The following HSD17B11 variants were observed in gnomAD, a reference collection of about 807,000 sequenced individuals.
The protein encoded by HSD17B11 is hydroxysteroid 17-beta dehydrogenase 11.
In HSD17B11, 22 loss-of-function variants were observed where a neutral mutation model predicts 27.8. The ratio of observed to expected loss-of-function variants is 0.79; its 90% CI spans 0.56 to 1.13. HSD17B11 has a LOEUF of 1.13. Among genes scored for constraint, HSD17B11 ranks in the 50% most tolerant of loss-of-function variants. The pLI is 0.00. For synonymous variants in HSD17B11, 117 were observed against 132.8 expected (o/e 0.88, Z 0.82); for missense variants, 314 against 351.1 (o/e 0.89, Z 0.84).
rs796910777 is a variant in HSD17B11, at chr4:87,361,559, A to G, written c.558-4143T>C. Among the ~76,000 whole-genome samples the G allele has an allele frequency of 3.9e-5, 6 of 152,196 alleles. No homozygotes were observed. In the South Asian group the frequency reaches 1.2e-3, roughly 32 times the overall value. On this transcript the variant is annotated intron_variant, in intron 4 of 6. Coordinates refer to ENST00000358290, the MANE Select transcript of HSD17B11 (RefSeq NM_016245.5). ...AAGGCGGGCGGATCACGAGGTCAGG[A>G]GATCGAGACCATCCTGGCTAACACA...
intron 5 of HSD17B11, among the ~76,000 whole-genome samples, chr4:87,353,190 C>T (rs866404361): frequency 2.0e-5 from 3 of 149,940 alleles, no homozygotes; most frequent in Admixed American, 6.6e-5. Context: ...TAAGCATCCT[C>T]GGGCACACAT....
At chr4:87,362,696 A>C (rs1735539848) in intron 4 of HSD17B11, among the ~76,000 whole-genome samples, 1 of 152,120 alleles carries the variant, frequency 6.6e-6, no homozygotes, top group Non-Finnish European at 1.5e-5. Context: ...GCTATGGGTG[A>C]CAGGGTTAGG....
rs200116958 is a variant in HSD17B11, at chr4:87,360,338, TA to T, written c.558-2923del. The stretch of plus-strand genomic sequence containing the variant: ...GTTTGGCAAAAGGTATCAAATTCAT[TA>T]AAAGTATGCCACGCTCTCAGATCCG... On this transcript the variant is annotated intron_variant, in intron 4 of 6. Coordinates refer to ENST00000358290, the MANE Select transcript of HSD17B11 (RefSeq NM_016245.5). Among the ~76,000 whole-genome samples, 948 of 152,300 alleles carry T rather than the reference TA, an allele frequency of 6.2e-3. 4 individuals are homozygous for T. The highest frequency in any genetic ancestry group is 0.01 in the Non-Finnish European group (707 of 68,016).
At chr4:87,375,623 C>G (rs1323271443) in intron 2 of HSD17B11, among the ~76,000 whole-genome samples, 1 of 152,212 alleles carries the variant, frequency 6.6e-6, no homozygotes, top group Non-Finnish European at 1.5e-5. Context: ...CGCCTATAAT[C>G]CCAGCTACTC....
At chr4:87,357,949 ATT>A (rs57139706) in intron 4 of HSD17B11, among the ~76,000 whole-genome samples, 242 of 80,048 alleles carry the variant, frequency 3.0e-3, no homozygotes, top group African/African-American at 9.8e-3. Flanking sequence ...CATTAGAGAA[ATT>A]TTTTTTTTTT....
At chr4:87,385,952 T>G (rs528072561) in intron 1 of HSD17B11, 9 of 152,194 alleles carry the variant, frequency 5.9e-5, no homozygotes, top group Middle Eastern at 3.4e-3. Flanking sequence ...TGATTGGGTC[T>G]TCTCTTTTTT....
chr4:87,377,671 G>C (rs745353076), intron 2 of HSD17B11, among the ~76,000 whole-genome samples: 8 of 151,956 alleles, frequency 5.3e-5, no homozygotes, highest in Admixed American at 1.3e-4. Context: ...GATTTTTATG[G>C]TTCCATAAGC....
In HSD17B11 at chr4:87,370,744, TTATTATTA is replaced by T. The variant is rs1455388191; in HGVS notation, c.557+1957_557+1964del. On this transcript the variant is annotated intron_variant, in intron 4 of 6. Coordinates refer to ENST00000358290, the MANE Select transcript of HSD17B11 (RefSeq NM_016245.5). Reference sequence around the variant, plus strand: ...GATATTATTATTATTATTATTATTATTATTATTATTATTTTTTTTTTTTTTTGAGACGG... The same window carrying T: ...GATATTATTATTATTATTATTATTATTTATTTTTTTTTTTTTTTGAGACGG... 5.3e-4 allele frequency among the ~76,000 whole-genome samples: 3 copies of T among 5,628 alleles called. 1 individual carries two copies. Among genetic ancestry groups the T allele is most frequent in the East Asian group, 7.0e-3 (1 of 142 alleles). 3.7% of individuals were successfully genotyped at this position (5,628 alleles called of 152,430 possible).
chr4:87,356,880 T>C (rs1189644470), intron 5 of HSD17B11, among the ~76,000 whole-genome samples: 1 of 152,158 alleles, frequency 6.6e-6, no homozygotes, highest in Non-Finnish European at 1.5e-5. Flanking sequence ...ATCACCTTTT[T>C]TAAATGTAGA....
intron 3 of HSD17B11, chr4:87,373,393 A>T (rs1735758549): frequency 6.6e-6 from 1 of 150,840 alleles, no homozygotes; most frequent in Non-Finnish European, 1.5e-5. Flanking sequence ...CTTGTTGTTG[A>T]TGCTTGGGAT....
intron 5 of HSD17B11, among the ~76,000 whole-genome samples, chr4:87,343,362 C>T (rs1467271002): frequency 6.6e-6 from 1 of 151,984 alleles, no homozygotes; most frequent in East Asian, 1.9e-4. Context: ...AACAAATGTT[C>T]TTAATGGATT....
chr4:87,357,491 C>T (rs1287450130), intron 4 of HSD17B11, 75 bp from the exon 5 acceptor site: 3 of 1,389,032 alleles, frequency 2.2e-6, no homozygotes, highest in Non-Finnish European at 2.9e-6. Context: ...CAGCATGGTC[C>T]TCTGCAGAGC....
At chr4:87,369,034 C>T (rs544863152) in intron 4 of HSD17B11, among the ~76,000 whole-genome samples, 2 of 152,314 alleles carry the variant, frequency 1.3e-5, no homozygotes, top group Admixed American at 1.3e-4. Context: ...ACCCTGAATT[C>T]TTTCTTGCAC....
chr4:87,360,917 T>A (rs1194257795), intron 4 of HSD17B11, among the ~76,000 whole-genome samples: 1 of 152,222 alleles, frequency 6.6e-6, no homozygotes, highest in Non-Finnish European at 1.5e-5. Context: ...ATATATTATT[T>A]TAAATTAAGA....
chr4:87,377,844 G>T (rs937528155), intron 2 of HSD17B11, among the ~76,000 whole-genome samples: 2 of 152,058 alleles, frequency 1.3e-5, no homozygotes, highest in African/African-American at 4.8e-5. Flanking sequence ...CCTATGAGGG[G>T]CTTTTACTTT....
chr4:87,386,499 G>A (rs775585421), intron 1 of HSD17B11, among the ~76,000 whole-genome samples: 44 of 152,062 alleles, frequency 2.9e-4, no homozygotes, highest in Admixed American at 1.0e-3. Flanking sequence ...CACTGCACCC[G>A]GCCGGTGCAA....
At position 87,357,948 on chromosome 4, in the gene HSD17B11, AATTTTT is replaced by A. The variant is rs1257290011; in HGVS notation, c.558-538_558-533del. Among the ~76,000 whole-genome samples the A allele has an allele frequency of 7.3e-4, 71 of 97,384 alleles. 1 individual carries two copies. The highest frequency in any genetic ancestry group is 1.1e-3 in the Non-Finnish European group (56 of 49,838). The allele number at this position is 97,384 out of a possible 152,430, so 63.9% of individuals were successfully genotyped here. ...TTTGTAACTGAACATTCATTAGAGAAATTTTTTTTTTTTTTTTTTTTTTTTTTTTTT... is the reference window on the plus strand; with the variant it reads ...TTTGTAACTGAACATTCATTAGAGAATTTTTTTTTTTTTTTTTTTTTTTTT... On this transcript the variant is annotated intron_variant, in intron 4 of 6. Transcript: ENST00000358290.
At chr4:87,364,439 T>C (rs1735582188) in intron 4 of HSD17B11, among the ~76,000 whole-genome samples, 1 of 152,154 alleles carries the variant, frequency 6.6e-6, no homozygotes, top group South Asian at 2.1e-4. Flanking sequence ...CTTTGCATTA[T>C]GAGAGAGCTT....
At chr4:87,371,051 CTAT>C (rs1209108449) in intron 4 of HSD17B11, among the ~76,000 whole-genome samples, 8 of 148,890 alleles carry the variant, frequency 5.4e-5, no homozygotes, top group African/African-American at 2.0e-4. Context: ...CGCGCCCGGC[CTAT>C]TATTATTAAC....
Sources: gnomAD v4.1 joint callset for allele counts (sites outside exome capture counted in the v4.1 genomes callset) on GRCh38, gnomAD v4.1.1 for gene constraint, MANE v1.5 for transcripts, NCBI Gene and HGNC (gene_info 2026-07-23, HGNC 2026-07-21) for gene names.